The following SDK1 variants were observed in gnomAD, a reference collection of about 807,000 sequenced individuals.
SDK1 encodes sidekick cell adhesion molecule 1, also known as protein sidekick-1.
A neutral mutation model predicts 245.5 loss-of-function variants in SDK1; 157 were observed. The ratio of observed to expected loss-of-function variants is 0.64; its 90% CI spans 0.56 to 0.73. The LOEUF is 0.73. Among genes scored for constraint, SDK1 ranks in the 30% least tolerant of loss-of-function variants. The probability of loss-of-function intolerance (pLI) is 0.00; values close to 1 mark genes in which losing one functional copy is unlikely to be tolerated. For missense variants in SDK1, 3,583 were observed against 3,002.3 expected (o/e 1.19, Z -4.52); for synonymous variants, 1,647 against 1,278.5 (o/e 1.29, Z -6.15).
intron 1 of SDK1, among the ~76,000 whole-genome samples, chr7:3,321,545 G>C (rs1293806157): frequency 1.3e-5 from 2 of 152,058 alleles, no homozygotes; most frequent in African/African-American, 4.8e-5. Context: ...GACAAGTTGT[G>C]TTTTTTTCCC....
intron 5 of SDK1, among the ~76,000 whole-genome samples, chr7:3,950,451 G>A (rs954682533): frequency 6.6e-6 from 1 of 152,190 alleles, no homozygotes; most frequent in African/African-American, 2.4e-5. Context: ...AGCACAGTAA[G>A]ATATTTTGAG....
intron 4 of SDK1, among the ~76,000 whole-genome samples, chr7:3,788,540 A>T (rs1302549554): frequency 6.6e-6 from 1 of 152,150 alleles, no homozygotes; most frequent in Non-Finnish European, 1.5e-5. Flanking sequence ...TGTGATTCTG[A>T]TGCCATGATT....
At chr7:3,684,646 A>G (rs998373584) in intron 4 of SDK1, among the ~76,000 whole-genome samples, 17 of 152,250 alleles carry the variant, frequency 1.1e-4, no homozygotes, top group African/African-American at 3.4e-4. Context: ...AGAAAAGCCA[A>G]TTATCAGATG....
chr7:4,168,730 T>C (rs556250230), intron 32 of SDK1, among the ~76,000 whole-genome samples: 3 of 152,336 alleles, frequency 2.0e-5, no homozygotes, highest in African/African-American at 4.8e-5. Context: ...AGGTCTATTC[T>C]GGGGCGAGAG....
intron 4 of SDK1, among the ~76,000 whole-genome samples, chr7:3,721,220 A>G (rs1159142118): frequency 6.6e-6 from 1 of 152,170 alleles, no homozygotes; most frequent in East Asian, 1.9e-4. Flanking sequence ...TACGCGTGTG[A>G]TAAAATTGCA....
intron 4 of SDK1, among the ~76,000 whole-genome samples, chr7:3,695,028 G>A (rs6970486): frequency 0.8 from 121,319 of 152,112 alleles, 48,475 homozygotes; most frequent in Non-Finnish European, 0.82. Flanking sequence ...GTATAAAGGT[G>A]TTTCATTGGG....
intron 4 of SDK1, among the ~76,000 whole-genome samples, chr7:3,769,684 G>T (rs1217776337): frequency 6.6e-6 from 1 of 152,072 alleles, no homozygotes; most frequent in Admixed American, 6.5e-5. Flanking sequence ...ATGTCAGTGG[G>T]ACTCCTGTTC....
intron 22 of SDK1, among the ~76,000 whole-genome samples, chr7:4,098,216 G>T (rs908112697): frequency 6.6e-6 from 1 of 152,180 alleles, no homozygotes; most frequent in African/African-American, 2.4e-5. Flanking sequence ...ACTACCACAG[G>T]AGAGGAAAAT....
chr7:4,259,509 G>T (rs1339897947), intron 44 of SDK1, among the ~76,000 whole-genome samples: 1 of 152,188 alleles, frequency 6.6e-6, no homozygotes, highest in East Asian at 1.9e-4. Flanking sequence ...CTTGAGGCTA[G>T]ATATATTTAA....
rs1176726519 is a variant in SDK1, at chr7:3,867,674, G to A, written c.847+46091G>A. Among the ~76,000 whole-genome samples, 6 of 152,144 alleles carry A rather than the reference G, an allele frequency of 3.9e-5. No homozygotes were observed. In the South Asian group the frequency reaches 1.0e-3, roughly 26 times the overall value. ...TCCATGATTCGGTTACCTCCCACCA[G>A]GTCCCTCCCACAATACATGGGAATT... is the stretch of plus-strand genomic sequence containing the variant. On this transcript the variant is annotated intron_variant, in intron 5 of 44. Transcript: ENST00000404826.
intron 1 of SDK1, among the ~76,000 whole-genome samples, chr7:3,557,234 A>G (rs1779616523): frequency 6.6e-6 from 1 of 152,188 alleles, no homozygotes; most frequent in Admixed American, 6.5e-5. Flanking sequence ...AGAGGACACA[A>G]ATCTGTAATA....
intron 5 of SDK1, among the ~76,000 whole-genome samples, chr7:3,822,507 C>T (rs1419285640): frequency 1.3e-5 from 2 of 152,218 alleles, no homozygotes; most frequent in African/African-American, 4.8e-5. Context: ...TGGTAGCTCA[C>T]ACCTGTGATC....
At chr7:4,173,130 T>A (rs1181298680) in intron 32 of SDK1, among the ~76,000 whole-genome samples, 1 of 152,222 alleles carries the variant, frequency 6.6e-6, no homozygotes, top group East Asian at 1.9e-4. Flanking sequence ...CACCGGAAGT[T>A]CTGTGCACAT....
At chr7:3,803,232 C>T (rs1291841502) in intron 4 of SDK1, among the ~76,000 whole-genome samples, 1 of 151,802 alleles carries the variant, frequency 6.6e-6, no homozygotes, top group Non-Finnish European at 1.5e-5. Flanking sequence ...GCTTATTTGC[C>T]GTTTACATAT....
At chr7:3,844,520 G>C (rs781558774) in intron 5 of SDK1, among the ~76,000 whole-genome samples, 4 of 152,202 alleles carry the variant, frequency 2.6e-5, no homozygotes, top group Non-Finnish European at 4.4e-5. Flanking sequence ...GGCACCCACA[G>C]TGTTGCTCAT....
At chr7:3,390,665 A>C (rs1035935686) in intron 1 of SDK1, among the ~76,000 whole-genome samples, 7 of 152,172 alleles carry the variant, frequency 4.6e-5, no homozygotes, top group Non-Finnish European at 8.8e-5. Flanking sequence ...ATGTGCAGAT[A>C]GACGCAGATA....
intron 14 of SDK1, among the ~76,000 whole-genome samples, chr7:4,005,393 A>T (rs1187455397): frequency 3.8e-4 from 49 of 129,882 alleles, no homozygotes; most frequent in Non-Finnish European, 5.5e-4. Context: ...TTCTTATGTG[A>T]GTGTGTGTGT....
Position 3,708,300 on chromosome 7 carries a change from C to A in SDK1, c.713+66195C>A, listed in dbSNP as rs1372938315. ...CAAGGTCCAGTTACCTCCCACCAGG[C>A]CCTCCATACCTCCAAGGTCCAGTTA... On this transcript the variant is annotated intron_variant, in intron 4 of 44. Coordinates refer to ENST00000404826, the MANE Select transcript of SDK1 (RefSeq NM_152744.4). Among the ~76,000 whole-genome samples, 7 of 151,100 alleles carry A rather than the reference C, an allele frequency of 4.6e-5. No individual in the cohort carries two copies. In the East Asian group the frequency reaches 9.7e-4, roughly 21 times the overall value.
intron 44 of SDK1, among the ~76,000 whole-genome samples, chr7:4,247,498 G>A (rs180935629): frequency 2.0e-5 from 3 of 152,366 alleles, no homozygotes; most frequent in Admixed American, 6.5e-5. Context: ...GAAGCTCGCT[G>A]CATGTACGAA....
Sources: allele counts gnomAD v4.1 joint callset (sites outside exome capture counted in the v4.1 genomes callset), GRCh38; gene constraint gnomAD v4.1.1; transcripts MANE v1.5; gene names NCBI Gene and HGNC (gene_info 2026-07-23, HGNC 2026-07-21).